MASP1: variants seen among roughly 807,000 people sequenced by gnomAD.
The protein encoded by MASP1 is mannan-binding lectin serine protease 1.
Under a neutral mutation model 77.1 loss-of-function variants are expected in MASP1, and 59 were observed. That is an observed-to-expected ratio of 0.77 (90% CI 0.62 to 0.95). The LOEUF (loss-of-function observed/expected upper bound fraction) is 0.95, where lower values mean the gene tolerates loss of function less well. Ranked by LOEUF, MASP1 falls within the 40% of genes least tolerant of loss-of-function variation. The pLI, the probability that MASP1 is intolerant of heterozygous loss-of-function variation, is 0.00. For synonymous variants in MASP1, 362 were observed against 354.5 expected (o/e 1.02, Z -0.24); for missense variants, 885 against 912.9 (o/e 0.97, Z 0.39).
At chr3:187,226,494 G>T in exon 12 of MASP1, 2 of 1,612,184 alleles carry the variant, frequency 1.2e-6, no homozygotes, top group East Asian at 2.2e-5. Context: ...TGGAGGCAGT[G>T]TGCGGCGGTC....
chr3:187,280,846 G>A (rs1204878685), intron 2 of MASP1, among the ~76,000 whole-genome samples: 1 of 152,140 alleles, frequency 6.6e-6, no homozygotes, highest in Non-Finnish European at 1.5e-5. Flanking sequence ...GCCCTTCCCT[G>A]GACTTTGGAC....
chr3:187,243,266 T>G, intron 9 of MASP1: 1 of 580,244 alleles, frequency 1.7e-6, no homozygotes. Flanking sequence ...AAAGCCTGCT[T>G]TTTGGTTTTG....
At chr3:187,280,857 A>G (rs146439683) in intron 2 of MASP1, among the ~76,000 whole-genome samples, 2 of 152,360 alleles carry the variant, frequency 1.3e-5, no homozygotes, top group East Asian at 3.9e-4. Context: ...GACTTTGGAC[A>G]TGTTGATCAT....
intron 11 of MASP1, chr3:187,226,652 G>T (rs537555412): frequency 1.4e-6 from 1 of 699,412 alleles, no homozygotes; most frequent in Admixed American, 2.0e-5. Context: ...TCTCTCCATT[G>T]TATTTTATGG....
At position 187,234,381 on chromosome 3, in the gene MASP1, C is replaced by A; in HGVS notation, c.*1303G>T. 1 of 1,287,258 alleles carries A rather than the reference C, an allele frequency of 7.8e-7. No homozygotes were observed. Among genetic ancestry groups the A allele is most frequent in the South Asian group, 1.2e-5 (1 of 80,936 alleles). The allele number at this position is 1,287,258 out of a possible 1,614,324, so 79.7% of individuals were successfully genotyped here. On this transcript the variant is annotated 3_prime_UTR_variant, in exon 11 of 11. Coordinates refer to ENST00000296280, the MANE Select transcript of MASP1 (RefSeq NM_139125.4). ...CTGTGAGGGCCAGAGAGGCTGCTAG[C>A]AGTCAGGGAAGCTCTGAGTGCTCCA...
At chr3:187,270,153 G>A (rs698099) in intron 2 of MASP1, among the ~76,000 whole-genome samples, 111,820 of 152,124 alleles carry the variant, frequency 0.74, 42,950 homozygotes, top group East Asian at 0.87. Flanking sequence ...TATACGATGC[G>A]TTAAAAGCAG....
chr3:187,219,317 G>C (rs2108495789), exon 16 of MASP1: 1 of 152,830 alleles, frequency 6.5e-6, no homozygotes, highest in South Asian at 2.1e-4. Flanking sequence ...GGGGCTAAGG[G>C]CAGAGCTAGT....
chr3:187,262,817 T>A, intron 2 of MASP1, 97 bp from the exon 3 acceptor site: 1 of 1,092,862 alleles, frequency 9.2e-7, no homozygotes, highest in South Asian at 1.3e-5. Flanking sequence ...CACCCAAGAG[T>A]AGGCTAGTCA....
At chr3:187,259,545 G>A (rs1464935841) in intron 4 of MASP1, among the ~76,000 whole-genome samples, 1 of 151,956 alleles carries the variant, frequency 6.6e-6, no homozygotes, top group Non-Finnish European at 1.5e-5. Context: ...CCTGGTGAAG[G>A]GTGAAAATGA....
chr3:187,277,770 C>T (rs1717080001), intron 2 of MASP1, among the ~76,000 whole-genome samples: 1 of 152,146 alleles, frequency 6.6e-6, no homozygotes, highest in Non-Finnish European at 1.5e-5. Context: ...CTTCCTATTC[C>T]ATGGGAATCA....
intron 2 of MASP1, among the ~76,000 whole-genome samples, chr3:187,283,854 G>A (rs375786711): frequency 5.9e-5 from 9 of 152,270 alleles, no homozygotes; most frequent in African/African-American, 2.2e-4. Flanking sequence ...ATTATTTGGG[G>A]GAATGGGCCG....
chr3:187,243,492 T>A lies in MASP1; in HGVS notation c.1220A>T (p.Asn407Ile). ...CQEPYYKMLN[N>I]NTGIYTCSAQ... is the part of the protein sequence containing the mutation. ...TAGCATGGATGGCTTACCTGTGTTATTGTTGAGCATCTTGTAATAGGGCTC... is the reference window on the plus strand; with the variant it reads ...TAGCATGGATGGCTTACCTGTGTTAATGTTGAGCATCTTGTAATAGGGCTC... The change falls in exon 9 of 11, where the codon AAT becomes ATT. Residue 407 changes from asparagine to isoleucine, a missense_variant. Coordinates refer to ENST00000296280, the MANE Select transcript of MASP1 (RefSeq NM_139125.4). 1.9e-6 allele frequency: 3 copies of A among 1,614,208 alleles called. No homozygotes were observed. The highest frequency in any genetic ancestry group is 2.5e-6 in the Non-Finnish European group (3 of 1,180,016).
At chr3:187,287,567 T>G (rs1717964558) in intron 1 of MASP1, among the ~76,000 whole-genome samples, 1 of 152,228 alleles carries the variant, frequency 6.6e-6, no homozygotes, top group South Asian at 2.1e-4. Flanking sequence ...CTAGTCTCCC[T>G]GAGCCCCAGT....
At chr3:187,222,777 T>A (rs1351407749) in intron 14 of MASP1, among the ~76,000 whole-genome samples, 1 of 151,954 alleles carries the variant, frequency 6.6e-6, no homozygotes, top group African/African-American at 2.4e-5. Flanking sequence ...AGAGCCTGGC[T>A]CATTCTGGCC....
intron 8 of MASP1, chr3:187,244,373 G>A (rs1342060725): frequency 6.6e-6 from 1 of 152,602 alleles, no homozygotes; most frequent in Admixed American, 6.5e-5. Context: ...TAGGGGAGTT[G>A]TCAGCACTGA....
intron 11 of MASP1, among the ~76,000 whole-genome samples, chr3:187,227,884 G>A (rs1050806362): frequency 6.6e-6 from 1 of 152,096 alleles, no homozygotes; most frequent in African/African-American, 2.4e-5. Flanking sequence ...GTGTCAGTGT[G>A]GGCATTAATG....
intron 2 of MASP1, among the ~76,000 whole-genome samples, chr3:187,265,876 A>G (rs911784278): frequency 2.0e-5 from 3 of 152,220 alleles, no homozygotes; most frequent in African/African-American, 7.2e-5. Context: ...ACTGTCTCTT[A>G]GAGAGGATGT....
At chr3:187,281,106 C>T (rs968627061) in intron 2 of MASP1, among the ~76,000 whole-genome samples, 7 of 152,218 alleles carry the variant, frequency 4.6e-5, no homozygotes, top group African/African-American at 1.4e-4. Flanking sequence ...AGCCTTGATT[C>T]GTATGCCTCA....
chr3:187,258,844 C>A (rs1023699814), intron 4 of MASP1, among the ~76,000 whole-genome samples: 1 of 152,198 alleles, frequency 6.6e-6, no homozygotes, highest in East Asian at 1.9e-4. Context: ...TTCTACTTCC[C>A]ATAAATATTA....
Sources: gnomAD v4.1 joint callset for allele counts (sites outside exome capture counted in the v4.1 genomes callset) on GRCh38, gnomAD v4.1.1 for gene constraint, MANE v1.5 for transcripts, NCBI Gene and HGNC (gene_info 2026-07-23, HGNC 2026-07-21) for gene names.